The following CORO2A variants were observed in gnomAD, a reference collection of about 807,000 sequenced individuals.
The protein encoded by CORO2A is coronin 2A, also known as coronin-2A.
A neutral mutation model predicts 62.4 loss-of-function variants in CORO2A; 47 were observed. The ratio of observed to expected loss-of-function variants is 0.75; its 90% CI spans 0.60 to 0.96. The LOEUF (loss-of-function observed/expected upper bound fraction) is 0.96, where lower values mean the gene tolerates loss of function less well. CORO2A is among the 40% of genes least tolerant of loss of function. The pLI, the probability that CORO2A is intolerant of heterozygous loss-of-function variation, is 0.00. For synonymous variants in CORO2A, 273 were observed against 268.9 expected, an observed-to-expected ratio of 1.02 and a Z score of -0.15; for missense variants, 610 against 684.1, an observed-to-expected ratio of 0.89 and a Z score of 1.21.
intron 2 of CORO2A, among the ~76,000 whole-genome samples, chr9:98,139,916 G>A (rs1320109070): frequency 2.6e-5 from 4 of 152,102 alleles, no homozygotes; most frequent in Non-Finnish European, 5.9e-5. Context: ...TGCTGGGAGG[G>A]ACATACAGGT....
chr9:98,140,526 G>A (rs768700799), intron 2 of CORO2A, among the ~76,000 whole-genome samples: 2 of 151,394 alleles, frequency 1.3e-5, no homozygotes, highest in Non-Finnish European at 2.9e-5. Context: ...CTGTAGCCTC[G>A]AACTCGGGGT....
intron 1 of CORO2A, among the ~76,000 whole-genome samples, chr9:98,158,619 G>A (rs944180440): frequency 2.0e-5 from 3 of 152,118 alleles, no homozygotes; most frequent in Admixed American, 6.6e-5. Context: ...CACTGGGACC[G>A]ACTGTACTAT....
At chr9:98,167,164 T>C (rs1299473927) in intron 1 of CORO2A, among the ~76,000 whole-genome samples, 2 of 149,470 alleles carry the variant, frequency 1.3e-5, no homozygotes, top group Non-Finnish European at 3.0e-5. Context: ...TGCTGTAACA[T>C]GGATGAACTT....
At chr9:98,159,673 T>C (rs754234351) in intron 1 of CORO2A, among the ~76,000 whole-genome samples, 31 of 151,894 alleles carry the variant, frequency 2.0e-4, no homozygotes, top group Non-Finnish European at 3.8e-4. Context: ...ATATCCCAAG[T>C]AGCAGAGATC....
At chr9:98,131,348 G>C (rs1358277380) in intron 6 of CORO2A, among the ~76,000 whole-genome samples, 1 of 140,914 alleles carries the variant, frequency 7.1e-6, no homozygotes, top group Non-Finnish European at 1.5e-5. Flanking sequence ...TTTTTTTTGA[G>C]ACAAGGTCTA....
In CORO2A at chr9:98,165,885, G is replaced by A. The variant is rs150830280; in HGVS notation, c.1-8225C>T. Among the ~76,000 whole-genome samples, 920 of 152,306 alleles carry A rather than the reference G, an allele frequency of 6.0e-3. 5 individuals are homozygous for A. The highest frequency in any genetic ancestry group is 7.4e-3 in the Non-Finnish European group (505 of 68,030). ...CTACTGAATCAGGTATTCTGGGGGT[G>A]GGGCTCACCACTCTGCTTTAACCAG... On this transcript the variant is annotated intron_variant, in intron 1 of 11. Transcript: ENST00000375077.
In CORO2A at chr9:98,128,630, T is replaced by G; in HGVS notation, c.1057A>C (p.Ile353Leu). The part of the protein sequence containing the change: ...LITTKSLIEP[I>L]SMIVPRRSES... ...ACCCGCCGGGGCACAATCATGGAGA[T>G]GGGCTCGATGAGGCTTTTGGTTGTG... is the stretch of plus-strand genomic sequence containing the variant. Residue 353 changes from isoleucine to leucine, a missense_variant, in exon 9 of 12, where the codon ATC becomes CTC. Coordinates refer to ENST00000375077, the MANE Select transcript of CORO2A (RefSeq NM_052820.4). The G allele has an allele frequency of 6.2e-7, 1 of 1,614,144 alleles. No homozygotes were observed.
At chr9:98,157,715 C>A (rs1238503567) in intron 1 of CORO2A, 55 bp from the exon 2 acceptor site, 1 of 1,497,426 alleles carries the variant, frequency 6.7e-7, no homozygotes, top group Non-Finnish European at 9.2e-7. Flanking sequence ...GATCATGGGA[C>A]ACACAGAGCT....
At chr9:98,170,595 C>T (rs1828020502) in intron 1 of CORO2A, among the ~76,000 whole-genome samples, 1 of 152,162 alleles carries the variant, frequency 6.6e-6, no homozygotes, top group African/African-American at 2.4e-5. Flanking sequence ...GTGTGCACCA[C>T]CACGCCTGGC....
intron 1 of CORO2A, among the ~76,000 whole-genome samples, chr9:98,161,417 G>C (rs1412291175): frequency 6.6e-6 from 1 of 152,138 alleles, no homozygotes; most frequent in African/African-American, 2.4e-5. Context: ...AGCCGGGTGT[G>C]GTGGCGCGCG....
intron 1 of CORO2A, among the ~76,000 whole-genome samples, chr9:98,173,945 C>CG (rs1039825131): frequency 2.0e-5 from 3 of 152,056 alleles, no homozygotes; most frequent in Non-Finnish European, 4.4e-5. Flanking sequence ...GGAGAAACCC[C>CG]GTCTTTACTA....
chr9:98,165,362 C>T (rs1431691288), intron 1 of CORO2A, among the ~76,000 whole-genome samples: 1 of 152,166 alleles, frequency 6.6e-6, no homozygotes. Context: ...CCCAACATAC[C>T]GAACCATAGA....
chr9:98,173,640 G>GA, intron 1 of CORO2A, among the ~76,000 whole-genome samples: 1 of 152,288 alleles, frequency 6.6e-6, no homozygotes, highest in Middle Eastern at 3.4e-3. Flanking sequence ...GTGCTCCACA[G>GA]CCGGAACAAA....
At chr9:98,146,919 G>A (rs1036067201) in intron 2 of CORO2A, among the ~76,000 whole-genome samples, 2 of 152,174 alleles carry the variant, frequency 1.3e-5, no homozygotes, top group African/African-American at 4.8e-5. Context: ...TGTCTGTGCA[G>A]GTAAGTGCTA....
chr9:98,153,705 C>G (rs1232897643), intron 2 of CORO2A, among the ~76,000 whole-genome samples: 1 of 151,544 alleles, frequency 6.6e-6, no homozygotes, highest in East Asian at 1.9e-4. Context: ...CACACACACA[C>G]CCCGAGAGGC....
intron 2 of CORO2A, among the ~76,000 whole-genome samples, chr9:98,153,752 C>T (rs916656521): frequency 2.6e-5 from 4 of 151,364 alleles, no homozygotes; most frequent in African/African-American, 7.3e-5. Context: ...GAAGGTTAAT[C>T]AGGAATTAGT....
chr9:98,139,388 G>A (rs1488887975), intron 2 of CORO2A, among the ~76,000 whole-genome samples: 2 of 152,168 alleles, frequency 1.3e-5, no homozygotes, highest in Non-Finnish European at 2.9e-5. Context: ...AGCACTTTGG[G>A]AGGCCAAGAT....
At chr9:98,183,049 A>G (rs992556803) in intron 1 of CORO2A, among the ~76,000 whole-genome samples, 2 of 152,256 alleles carry the variant, frequency 1.3e-5, no homozygotes, top group Non-Finnish European at 2.9e-5. Flanking sequence ...ACAAGGGTCT[A>G]TTGAGGCCTA....
intron 7 of CORO2A, among the ~76,000 whole-genome samples, chr9:98,130,235 C>T (rs1827386203): frequency 1.3e-5 from 2 of 152,144 alleles, no homozygotes; most frequent in Admixed American, 1.3e-4. Context: ...TGTGTGCCAC[C>T]ACGCCTGGCT....
Sources: allele counts gnomAD v4.1 joint callset (sites outside exome capture counted in the v4.1 genomes callset), GRCh38; gene constraint gnomAD v4.1.1; transcripts MANE v1.5; gene names NCBI Gene and HGNC (gene_info 2026-07-23, HGNC 2026-07-21).